Variants in NPAS3 observed in about 807,000 individuals in gnomAD.
NPAS3 encodes the protein neuronal PAS domain-containing protein 3.
Under a neutral mutation model 73.1 loss-of-function variants are expected in NPAS3, and 14 were observed. That is an observed-to-expected ratio of 0.19 (90% confidence interval 0.13 to 0.30). The LOEUF (loss-of-function observed/expected upper bound fraction) is 0.30. Ranked by LOEUF, NPAS3 falls within the 10% of genes least tolerant of loss-of-function variation. NPAS3 has a pLI of 1.00. For missense variants in NPAS3, 1,096 were observed against 1,250.0 expected (o/e 0.88, Z 1.86); for synonymous variants, 620 against 541.5 (o/e 1.14, Z -2.01).
intron 2 of NPAS3, among the ~76,000 whole-genome samples, chr14:33,084,883 C>T (rs2041971556): frequency 6.6e-6 from 1 of 152,108 alleles, no homozygotes; most frequent in Non-Finnish European, 1.5e-5. Context: ...AGATCCACAT[C>T]AGTATAGTGT....
At chr14:33,492,184 C>A (rs900499022) in intron 4 of NPAS3, among the ~76,000 whole-genome samples, 2 of 152,116 alleles carry the variant, frequency 1.3e-5, no homozygotes, top group East Asian at 3.9e-4. Context: ...ATAAGACTTA[C>A]GCTCACATAT....
rs765274156 is a variant in NPAS3, at chr14:33,744,746, C to T, written c.852+9414C>T. ...CAGAAGTTGCAGTGTGCTGAGATTG[C>T]GCCACTGCACTCCAGCCTGGACAAC... On this transcript the variant is annotated intron_variant, in intron 7 of 11. Coordinates refer to ENST00000356141, the Ensembl canonical transcript of NPAS3. 5.3e-5 allele frequency among the ~76,000 whole-genome samples: 8 copies of T among 151,092 alleles called. No individual in the cohort carries two copies. In the East Asian group the frequency reaches 7.9e-4, roughly 15 times the overall value.
chr14:33,674,730 A>C (rs2059709644), intron 5 of NPAS3, among the ~76,000 whole-genome samples: 1 of 152,210 alleles, frequency 6.6e-6, no homozygotes, highest in Non-Finnish European at 1.5e-5. Context: ...TTTTCCGTAA[A>C]AGTTACGCGA....
chr14:33,056,188 C>T (rs2040881815), intron 2 of NPAS3, among the ~76,000 whole-genome samples, 194 bp downstream of exon 2: 1 of 151,624 alleles, frequency 6.6e-6, no homozygotes, highest in Non-Finnish European at 1.5e-5. Context: ...GAGATCAAGA[C>T]AGAAAAAAAA....
chr14:33,477,963 A>G (rs1276128149), intron 4 of NPAS3, among the ~76,000 whole-genome samples: 4 of 152,106 alleles, frequency 2.6e-5, no homozygotes, highest in Non-Finnish European at 5.9e-5. Flanking sequence ...AATAGTTTTA[A>G]TGAGGCTTGC....
At chr14:33,472,854 T>C (rs1488559868) in intron 4 of NPAS3, among the ~76,000 whole-genome samples, 3 of 150,792 alleles carry the variant, frequency 2.0e-5, no homozygotes, top group Non-Finnish European at 4.4e-5. Flanking sequence ...TTATTATTGA[T>C]ATGATTATAT....
intron 3 of NPAS3, among the ~76,000 whole-genome samples, chr14:33,270,485 G>C (rs554617188): frequency 1.6e-4 from 24 of 152,280 alleles, no homozygotes; most frequent in Admixed American, 1.1e-3. Flanking sequence ...GTGTGTGTAA[G>C]AGAGAGGGAG....
chr14:33,058,385 T>C (rs1017198488), intron 2 of NPAS3, among the ~76,000 whole-genome samples: 1 of 152,192 alleles, frequency 6.6e-6, no homozygotes, highest in African/African-American at 2.4e-5. Context: ...CCTGATTCTG[T>C]GGTGTGAATT....
chr14:33,076,464 T>C (rs537551814), intron 2 of NPAS3, among the ~76,000 whole-genome samples: 1 of 152,360 alleles, frequency 6.6e-6, no homozygotes, highest in African/African-American at 2.4e-5. Flanking sequence ...TGATTCAGCA[T>C]AATCCTTAGA....
chr14:33,170,747 A>G (rs1199299929), intron 2 of NPAS3, among the ~76,000 whole-genome samples: 1 of 152,202 alleles, frequency 6.6e-6, no homozygotes, highest in Non-Finnish European at 1.5e-5. Context: ...TGATCGTGAG[A>G]TTACAGTAGT....
At chr14:33,616,515 C>T (rs901801167) in intron 5 of NPAS3, among the ~76,000 whole-genome samples, 24 of 152,166 alleles carry the variant, frequency 1.6e-4, no homozygotes, top group Admixed American at 1.4e-3. Context: ...ACTCTGAAAT[C>T]ATACTTTCCC....
intron 6 of NPAS3, 36 bp downstream of exon 6, chr14:33,676,421 C>T (rs770756777): frequency 6.6e-7 from 1 of 1,515,036 alleles, no homozygotes; most frequent in Admixed American, 2.3e-5. Flanking sequence ...GGTTGGTGGG[C>T]AGGACCTTTG....
intron 6 of NPAS3, among the ~76,000 whole-genome samples, chr14:33,677,048 T>G (rs2140340347): frequency 6.6e-6 from 1 of 152,322 alleles, no homozygotes; most frequent in Middle Eastern, 3.4e-3. Flanking sequence ...GATGATAATT[T>G]AAGTATTAGG....
In NPAS3 at chr14:33,730,310, C is replaced by T. The variant is rs570274112; in HGVS notation, c.734-4904C>T. Among the ~76,000 whole-genome samples, 3 of 152,226 alleles carry T rather than the reference C, an allele frequency of 2.0e-5. No homozygotes were observed. In the East Asian group the frequency reaches 5.8e-4, roughly 29 times the overall value. On this transcript the variant is annotated intron_variant, in intron 6 of 11. Transcript: ENST00000356141. Reference sequence around the variant, plus strand: ...AACATTTGTCATATTCTTGCTCTGCCCCTAGCTGGGAGAACTTGGAAACAT... The same window carrying T: ...AACATTTGTCATATTCTTGCTCTGCTCCTAGCTGGGAGAACTTGGAAACAT...
intron 2 of NPAS3, among the ~76,000 whole-genome samples, chr14:33,120,772 T>A (rs2139033360): frequency 6.6e-6 from 1 of 152,216 alleles, no homozygotes; most frequent in East Asian, 1.9e-4. Flanking sequence ...AAGCATTGGT[T>A]TTTTTAAGGC....
intron 2 of NPAS3, among the ~76,000 whole-genome samples, chr14:33,097,269 G>C (rs896755076): frequency 1.3e-5 from 2 of 152,096 alleles, no homozygotes; most frequent in Admixed American, 6.6e-5. Context: ...AGATAGATTA[G>C]TTTTATCTAC....
intron 3 of NPAS3, among the ~76,000 whole-genome samples, chr14:33,346,582 A>G (rs947428173): frequency 2.0e-5 from 3 of 152,050 alleles, no homozygotes; most frequent in African/African-American, 4.8e-5. Context: ...GATAATTTCA[A>G]ATGTGATCTT....
intron 5 of NPAS3, among the ~76,000 whole-genome samples, chr14:33,634,298 T>C (rs1681586474): frequency 6.6e-6 from 1 of 152,156 alleles, no homozygotes; most frequent in Admixed American, 6.5e-5. Flanking sequence ...CTCTAACAGG[T>C]TGTTCAGGGC....
rs564894506 is a variant in NPAS3, at chr14:33,077,774, G to GTTTTTTTGTT, written c.140+21787_140+21788insGTTTTTTTTT. Among the ~76,000 whole-genome samples, 22 of 87,492 alleles carry GTTTTTTTGTT rather than the reference G, an allele frequency of 2.5e-4. No homozygotes were observed. The South Asian group carries it at 0.011, about 45-fold the overall frequency. 57.4% of individuals were successfully genotyped at this position (87,492 alleles called of 152,430 possible). On this transcript the variant is annotated intron_variant, in intron 2 of 11. Transcript: ENST00000356141. ...CTTTGCTCAAAACATTGCAGTAAGG[G>GTTTTTTTGTT]TTTTTTTTTTTTTTTGCCCCTTTTG...
Sources: gnomAD v4.1 joint callset for allele counts (sites outside exome capture counted in the v4.1 genomes callset) on GRCh38, gnomAD v4.1.1 for gene constraint, MANE v1.5 for transcripts, NCBI Gene and HGNC (gene_info 2026-07-23, HGNC 2026-07-21) for gene names.